ACSS2: variants seen among roughly 807,000 people sequenced by gnomAD.
ACSS2 encodes acyl-CoA synthetase short chain family member 2.
Under a neutral mutation model 90.6 loss-of-function variants are expected in ACSS2, and 58 were observed. The ratio of observed to expected loss-of-function variants is 0.64; its 90% CI spans 0.52 to 0.80. The LOEUF (loss-of-function observed/expected upper bound fraction) is 0.80, where lower values mean the gene tolerates loss of function less well. ACSS2 is among the 30% of genes least tolerant of loss of function. The pLI, the probability that ACSS2 is intolerant of heterozygous loss-of-function variation, is 0.00. For missense variants in ACSS2, 759 were observed against 912.0 expected, an observed-to-expected ratio of 0.83 and a Z score of 2.16; for synonymous variants, 300 against 330.9, an observed-to-expected ratio of 0.91 and a Z score of 1.01.
intron 2 of ACSS2, among the ~76,000 whole-genome samples, chr20:34,911,571 A>G (rs142214538): frequency 0.014 from 2,074 of 151,846 alleles, 21 homozygotes; most frequent in South Asian, 0.037. Context: ...AGATGGGCCC[A>G]CTTTGGCCTC....
intron 2 of ACSS2, among the ~76,000 whole-genome samples, chr20:34,898,139 A>G (rs893585314): frequency 5.3e-5 from 8 of 152,192 alleles, no homozygotes; most frequent in African/African-American, 1.9e-4. Context: ...TCATAAAAGC[A>G]GTGTGGACCC....
chr20:34,878,810 T>C, intron 1 of ACSS2, among the ~76,000 whole-genome samples: 1 of 152,224 alleles, frequency 6.6e-6, no homozygotes, highest in Non-Finnish European at 1.5e-5. Context: ...TAGATTGATA[T>C]TATGGAAATA....
In ACSS2 at chr20:34,920,609, A is replaced by G. The variant is rs904792329; in HGVS notation, c.1043A>G (p.His348Arg). 2.5e-6 allele frequency: 4 copies of G among 1,614,232 alleles called. No individual in the cohort carries two copies. Among genetic ancestry groups the G allele is most frequent in the Non-Finnish European group, 3.4e-6 (4 of 1,180,046 alleles). The change falls in exon 9 of 18, where the codon CAT becomes CGT. Residue 348 changes from histidine to arginine, a missense_variant. Coordinates refer to ENST00000360596, the MANE Select transcript of ACSS2 (RefSeq NM_018677.4). ...ACCTTCAAGTATGTGTTTGACTTCC[A>G]TGCAGAGGATGTGTTCTGGTGCACG... ...ATTFKYVFDF[H>R]AEDVFWCTAD...
In ACSS2 at chr20:34,924,414, C is replaced by T. The variant is rs141579874; in HGVS notation, c.1657+983C>T. Among the ~76,000 whole-genome samples, 620 of 152,246 alleles carry T rather than the reference C, an allele frequency of 4.1e-3. 2 individuals are homozygous for T. The highest frequency in any genetic ancestry group is 0.014 in the African/African-American group (588 of 41,538). On this transcript the variant is annotated intron_variant, in intron 14 of 17. Coordinates refer to ENST00000360596, the MANE Select transcript of ACSS2 (RefSeq NM_018677.4). ...GGATGGCTACTGTACACAGGATCGT[C>T]GGAGAAGACTTCTCTGAATTGACAT... is the stretch of plus-strand genomic sequence containing the variant.
intron 12 of ACSS2, 69 bp downstream of exon 12, chr20:34,921,669 A>C: frequency 6.2e-7 from 1 of 1,611,712 alleles, no homozygotes; most frequent in Non-Finnish European, 8.5e-7. Context: ...TGGCCTAGTT[A>C]GATAGTGGAG....
intron 2 of ACSS2, among the ~76,000 whole-genome samples, chr20:34,909,194 CAAAAAA>C (rs759144830): frequency 2.2e-5 from 1 of 45,106 alleles, no homozygotes; most frequent in African/African-American, 8.4e-5. Context: ...CCTGTCTTTG[CAAAAAA>C]AAAAAAAAAA....
At chr20:34,912,110 G>C (rs1466903139) in intron 2 of ACSS2, among the ~76,000 whole-genome samples, 1 of 151,862 alleles carries the variant, frequency 6.6e-6, no homozygotes, top group African/African-American at 2.4e-5. Context: ...GAGCCACCAC[G>C]CCCCGCCCAT....
chr20:34,923,235 C>T lies in ACSS2; in HGVS notation c.1549-88C>T, dbSNP rs912621132. On this transcript the variant is annotated intron_variant, in intron 13 of 17. Coordinates refer to ENST00000360596, the MANE Select transcript of ACSS2 (RefSeq NM_018677.4). ...TCCAAAGCCTGTACTTCATTCAGGA[C>T]ACTTTCCCCCACATTTAGAAAAGCT... 6 of 970,312 alleles carry T rather than the reference C, an allele frequency of 6.2e-6. No homozygotes were observed. The African/African-American group carries it at 9.6e-5, about 16-fold the overall frequency. The allele number at this position is 970,312 out of a possible 1,614,324, so 60.1% of individuals were successfully genotyped here.
intron 2 of ACSS2, among the ~76,000 whole-genome samples, chr20:34,896,103 G>A (rs1010164508): frequency 2.6e-5 from 4 of 152,210 alleles, no homozygotes; most frequent in Non-Finnish European, 5.9e-5. Flanking sequence ...GTAGGAACAA[G>A]TGTGTGATTC....
chr20:34,903,510 A>G (rs771713141), intron 2 of ACSS2, among the ~76,000 whole-genome samples: 11 of 152,050 alleles, frequency 7.2e-5, no homozygotes, highest in Admixed American at 2.0e-4. Context: ...GAGACTTGCT[A>G]TCACATCTCT....
intron 2 of ACSS2, among the ~76,000 whole-genome samples, chr20:34,885,320 A>T (rs534151728): frequency 1.3e-5 from 2 of 152,242 alleles, no homozygotes; most frequent in Non-Finnish European, 2.9e-5. Flanking sequence ...TGCCTAATGG[A>T]AAACAGAATA....
chr20:34,910,225 A>T (rs1054408328), intron 2 of ACSS2, among the ~76,000 whole-genome samples: 2 of 152,196 alleles, frequency 1.3e-5, no homozygotes, highest in Non-Finnish European at 2.9e-5. Flanking sequence ...AAAGATCATA[A>T]TGATACAGAC....
At chr20:34,924,692 T>C (rs1212971752) in intron 14 of ACSS2, among the ~76,000 whole-genome samples, 1 of 112,404 alleles carries the variant, frequency 8.9e-6, no homozygotes, top group Non-Finnish European at 2.0e-5. Context: ...TTTGTTGTTG[T>C]TGTTGTTGTT....
intron 14 of ACSS2, among the ~76,000 whole-genome samples, chr20:34,924,900 A>T (rs1450342591): frequency 6.6e-6 from 1 of 151,298 alleles, no homozygotes; most frequent in African/African-American, 2.4e-5. Context: ...GGGTTTCACC[A>T]TGTTGGCCAT....
chr20:34,901,021 G>A (rs1355700532), intron 2 of ACSS2, among the ~76,000 whole-genome samples: 1 of 152,156 alleles, frequency 6.6e-6, no homozygotes, highest in Non-Finnish European at 1.5e-5. Context: ...GATATTTATA[G>A]TAATTAAAAT....
intron 2 of ACSS2, among the ~76,000 whole-genome samples, chr20:34,893,896 T>C (rs924183864): frequency 7.2e-5 from 11 of 152,174 alleles, no homozygotes; most frequent in Non-Finnish European, 1.3e-4. Context: ...GGAGCATCAT[T>C]ATTTTATTTA....
intron 2 of ACSS2, among the ~76,000 whole-genome samples, chr20:34,902,216 A>C (rs1400872766): frequency 6.6e-6 from 1 of 152,216 alleles, no homozygotes; most frequent in African/African-American, 2.4e-5. Flanking sequence ...AACAAGACCA[A>C]CTTGGCCTCT....
In ACSS2 at chr20:34,915,454, A is replaced by G. The variant is rs553658195; in HGVS notation, c.834+1017A>G. ...TTACTGCCTCTGTGAATTGGTATAG[A>G]GTATGGATCTTAGAGAGGTAACAGC... On this transcript the variant is annotated intron_variant, in intron 7 of 17. Transcript: ENST00000360596. Among the ~76,000 whole-genome samples, 3 of 152,246 alleles carry G rather than the reference A, an allele frequency of 2.0e-5. No homozygotes were observed. The East Asian group carries it at 5.8e-4, about 29-fold the overall frequency.
At position 34,913,102 on chromosome 20, in the gene ACSS2, C is replaced by A; in HGVS notation, c.381C>A (p.Gly127=). 1 of 1,613,636 alleles carries A rather than the reference C, an allele frequency of 6.2e-7. No individual in the cohort carries two copies. The highest frequency in any genetic ancestry group is 8.5e-7 in the Non-Finnish European group (1 of 1,179,648). ...TCTTTCTGGTATGTCTCAGGGAGGG[C>A]AATGAGCCAGGGGAGACCACTCAGA... The part of the protein sequence containing the change: ...LGDKVAFYWE[G]NEPGETTQIT... The change falls in exon 3 of 18, where the codon GGC becomes GGA. Residue 127 remains glycine (G), a synonymous_variant. Transcript: ENST00000360596.
Sources: gnomAD v4.1 joint callset for allele counts (sites outside exome capture counted in the v4.1 genomes callset) on GRCh38, gnomAD v4.1.1 for gene constraint, MANE v1.5 for transcripts, NCBI Gene and HGNC (gene_info 2026-07-23, HGNC 2026-07-21) for gene names.